Variants in C2orf76 observed in about 807,000 individuals in gnomAD.
The protein encoded by C2orf76 is chromosome 2 open reading frame 76, also known as UPF0538 protein C2orf76.
C2orf76 carries 23 observed loss-of-function variants against 16.9 expected under a neutral mutation model. The observed-to-expected ratio is 1.36, with a 90% CI of 0.98 to 1.93. The LOEUF is 1.93. Ranked by LOEUF, C2orf76 falls within the 30% of genes most tolerant of loss-of-function variation. C2orf76 has a pLI of 0.00. For synonymous variants in C2orf76, 48 were observed against 52.3 expected, an observed-to-expected ratio of 0.92 and a Z score of 0.35; for missense variants, 152 against 152.6, an observed-to-expected ratio of 1.00 and a Z score of 0.02.
rs13401828 is a variant in C2orf76, at chr2:119,348,667, C to A, written c.-12-8696G>T. Among the ~76,000 whole-genome samples, 526 of 151,754 alleles carry A rather than the reference C, an allele frequency of 3.5e-3. 1 individual carries two copies. The highest frequency in any genetic ancestry group is 0.012 in the African/African-American group (495 of 41,364). ...TGCCACTGTACTCCAGCCTGGAAGA[C>A]AAGAGTGGAACTCTGTCTTAAAAAA... On this transcript the variant is annotated intron_variant, in intron 1 of 5. Coordinates refer to ENST00000334816, the MANE Select transcript of C2orf76 (RefSeq NM_001322331.2).
chr2:119,306,320 T>C (rs1404565739), intron 5 of C2orf76, among the ~76,000 whole-genome samples: 1 of 152,050 alleles, frequency 6.6e-6, no homozygotes, highest in East Asian at 1.9e-4. Flanking sequence ...ACAGACAAGA[T>C]CACCCAAAGG....
intron 1 of C2orf76, among the ~76,000 whole-genome samples, chr2:119,358,045 C>T (rs774799623): frequency 6.6e-6 from 1 of 152,092 alleles, no homozygotes; most frequent in African/African-American, 2.4e-5. Flanking sequence ...AAAACATGCA[C>T]AATAATATTG....
chr2:119,362,441 C>T (rs532599267), intron 1 of C2orf76, among the ~76,000 whole-genome samples: 222 of 152,280 alleles, frequency 1.5e-3, no homozygotes, highest in Non-Finnish European at 2.5e-3. Context: ...AGAAAATTCA[C>T]CTCTAACAAT....
the C2orf76 span, among the ~76,000 whole-genome samples, chr2:119,282,354 G>A: frequency 6.6e-6 from 1 of 152,322 alleles, no homozygotes; most frequent in Admixed American, 6.5e-5. Context: ...CGCTGCCAGG[G>A]TGGGACTGTC....
downstream of C2orf76, among the ~76,000 whole-genome samples, chr2:119,299,455 C>A (rs1235440685): frequency 6.6e-6 from 1 of 152,116 alleles, no homozygotes. Flanking sequence ...ATCAATCTTC[C>A]ATTCCTGGTA....
chr2:119,315,919 T>C (rs1020457402), intron 4 of C2orf76, among the ~76,000 whole-genome samples: 2 of 152,178 alleles, frequency 1.3e-5, no homozygotes, highest in Non-Finnish European at 2.9e-5. Flanking sequence ...TACTGATAAT[T>C]TGAACATGAT....
In C2orf76 at chr2:119,302,458, C is replaced by T. The variant is rs368243880; in HGVS notation, c.*14G>A. 7 of 1,094,966 alleles carry T rather than the reference C, an allele frequency of 6.4e-6. No homozygotes were observed. The African/African-American group carries it at 9.8e-5, about 15-fold the overall frequency. 67.8% of individuals were successfully genotyped at this position (1,094,966 alleles called of 1,614,324 possible). The stretch of plus-strand genomic sequence containing the variant: ...TTAATACAGGTATGCAAAAAGGAAG[C>T]CCTCGAGATGTTTTCACCAGGATGA... On this transcript the variant is annotated 3_prime_UTR_variant, in exon 6 of 6. Transcript: ENST00000334816.
At chr2:119,313,291 T>C (rs1026650307) in intron 4 of C2orf76, among the ~76,000 whole-genome samples, 2 of 151,934 alleles carry the variant, frequency 1.3e-5, no homozygotes, top group Non-Finnish European at 2.9e-5. Flanking sequence ...GAAAAAATAC[T>C]TTACTCAAAA....
At chr2:119,297,410 C>T (rs1304386093), downstream of C2orf76, among the ~76,000 whole-genome samples, 1 of 151,032 alleles carries the variant, frequency 6.6e-6, no homozygotes. Flanking sequence ...AACATATGTG[C>T]AAAAAAAGAA....
At chr2:119,296,422 C>A in the C2orf76 span, among the ~76,000 whole-genome samples, 27 of 152,238 alleles carry the variant, frequency 1.8e-4, no homozygotes, top group Non-Finnish European at 2.6e-4. Flanking sequence ...TGCATGTGTA[C>A]ACGTACAGTG....
At chr2:119,331,108 C>T (rs1030080352) in intron 2 of C2orf76, among the ~76,000 whole-genome samples, 10 of 151,890 alleles carry the variant, frequency 6.6e-5, no homozygotes, top group African/African-American at 1.9e-4. Flanking sequence ...TGCTAGACAC[C>T]GTAAATTTTA....
rs111248991 is a variant in C2orf76, at chr2:119,316,230, A to G, written c.222+1236T>C. On this transcript the variant is annotated intron_variant, in intron 4 of 5. Transcript: ENST00000334816. The stretch of plus-strand genomic sequence containing the variant: ...GAGAGAAATTGGACGAAGTCCAAAT[A>G]TGGTGGCCACACATTCTAGTACCAA... Among the ~76,000 whole-genome samples the G allele has an allele frequency of 1.2e-3, 189 of 152,368 alleles. 5 individuals carry two copies. The highest frequency in any genetic ancestry group is 4.4e-3 in the African/African-American group (184 of 41,596).
intron 5 of C2orf76, among the ~76,000 whole-genome samples, chr2:119,305,047 G>A (rs951144615): frequency 1.3e-5 from 2 of 152,164 alleles, no homozygotes; most frequent in Non-Finnish European, 1.5e-5. Context: ...TGCTGCAGGC[G>A]GCAGTGCAGT....
intron 1 of C2orf76, among the ~76,000 whole-genome samples, chr2:119,350,524 A>G (rs1198427614): frequency 6.6e-6 from 1 of 152,202 alleles, no homozygotes; most frequent in African/African-American, 2.4e-5. Flanking sequence ...GCAAACACAA[A>G]ACTTCCATAG....
At chr2:119,335,475 A>C (rs532898293) in intron 2 of C2orf76, among the ~76,000 whole-genome samples, 10 of 152,346 alleles carry the variant, frequency 6.6e-5, no homozygotes, top group African/African-American at 2.4e-4. Flanking sequence ...CACTGAGGGC[A>C]TATGTCAGAG....
chr2:119,333,966 T>C (rs529424721), intron 2 of C2orf76, among the ~76,000 whole-genome samples: 14 of 152,110 alleles, frequency 9.2e-5, no homozygotes, highest in African/African-American at 3.4e-4. Flanking sequence ...CTTTTTTTCT[T>C]TTTTTTTGTA....
chr2:119,290,883 G>A, the C2orf76 span, among the ~76,000 whole-genome samples: 2 of 152,040 alleles, frequency 1.3e-5, no homozygotes, highest in African/African-American at 2.4e-5. Flanking sequence ...TTGCATGGTC[G>A]CTGTTGAGCA....
the C2orf76 span, among the ~76,000 whole-genome samples, chr2:119,283,638 C>T: frequency 1.3e-5 from 2 of 152,108 alleles, no homozygotes; most frequent in South Asian, 4.2e-4. Context: ...CCACGCCCAG[C>T]TAATTTTTGT....
chr2:119,298,328 T>C (rs1678570258), downstream of C2orf76, among the ~76,000 whole-genome samples: 1 of 152,250 alleles, frequency 6.6e-6, no homozygotes, highest in Non-Finnish European at 1.5e-5. Flanking sequence ...TTTTAAATAC[T>C]TGGCCATGTG....
Sources: gnomAD v4.1 joint callset for allele counts (sites outside exome capture counted in the v4.1 genomes callset) on GRCh38, gnomAD v4.1.1 for gene constraint, MANE v1.5 for transcripts, NCBI Gene and HGNC (gene_info 2026-07-23, HGNC 2026-07-21) for gene names.